The following TAS2R1 variants were observed in gnomAD, a reference collection of about 807,000 sequenced individuals.
The protein encoded by TAS2R1 is taste receptor type 2 member 1.
For synonymous variants in TAS2R1, 141 were observed against 134.2 expected, an observed-to-expected ratio of 1.05 and a Z score of -0.35; for missense variants, 370 against 353.4, an observed-to-expected ratio of 1.05 and a Z score of -0.38.
intron 1 of TAS2R1, among the ~76,000 whole-genome samples, chr5:9,677,143 A>T (rs747461723): frequency 6.6e-6 from 1 of 152,198 alleles, no homozygotes; most frequent in Non-Finnish European, 1.5e-5. Context: ...TCGTTAGCAA[A>T]CTAACTCAGG....
At chr5:9,856,781 T>A in the TAS2R1 span, among the ~76,000 whole-genome samples, 1 of 152,112 alleles carries the variant, frequency 6.6e-6, no homozygotes, top group Non-Finnish European at 1.5e-5. Context: ...AACAGTAGAA[T>A]AACTGAATCA....
At chr5:9,851,782 T>C in the TAS2R1 span, among the ~76,000 whole-genome samples, 12 of 152,292 alleles carry the variant, frequency 7.9e-5, no homozygotes, top group African/African-American at 1.9e-4. Context: ...TAAATACCCA[T>C]ACAGGGCTGT....
chr5:9,630,841 T>C (rs1357938977), upstream of TAS2R1, among the ~76,000 whole-genome samples: 4 of 152,202 alleles, frequency 2.6e-5, no homozygotes, highest in African/African-American at 9.6e-5. Context: ...AAAGTAAAGA[T>C]AAAATAATAC....
the TAS2R1 span, among the ~76,000 whole-genome samples, chr5:9,731,404 C>T: frequency 2.0e-5 from 3 of 152,138 alleles, no homozygotes; most frequent in Admixed American, 1.3e-4. Context: ...CTGTTGCCCT[C>T]GTGGTAGGGA....
chr5:9,636,159 A>AT (rs560632402), intron 2 of TAS2R1, among the ~76,000 whole-genome samples: 3 of 151,936 alleles, frequency 2.0e-5, no homozygotes, highest in Middle Eastern at 3.4e-3. Context: ...AGCTCAAATA[A>AT]TTTTTTTTAA....
the TAS2R1 span, among the ~76,000 whole-genome samples, chr5:9,832,398 A>G: frequency 6.6e-6 from 1 of 152,214 alleles, no homozygotes; most frequent in African/African-American, 2.4e-5. Context: ...GTGTGCATTC[A>G]TGTTTCAAGG....
At chr5:9,631,334 G>A (rs919233860), upstream of TAS2R1, among the ~76,000 whole-genome samples, 2 of 152,136 alleles carry the variant, frequency 1.3e-5, no homozygotes, top group Non-Finnish European at 2.9e-5. Flanking sequence ...CAAATTCCTG[G>A]ACTCAGGTAA....
intron 1 of TAS2R1, among the ~76,000 whole-genome samples, chr5:9,660,231 T>A (rs79412636): frequency 5.1e-5 from 7 of 137,112 alleles, no homozygotes; most frequent in African/African-American, 1.4e-4. Context: ...GCTAATTTTT[T>A]TTTTTTTTTT....
At chr5:9,891,547 G>C in the TAS2R1 span, among the ~76,000 whole-genome samples, 2 of 152,056 alleles carry the variant, frequency 1.3e-5, no homozygotes, top group Non-Finnish European at 2.9e-5. Context: ...GGTGGCTGGG[G>C]GAGGGCTCAG....
the TAS2R1 span, among the ~76,000 whole-genome samples, chr5:9,757,969 A>C: frequency 6.6e-6 from 1 of 152,152 alleles, no homozygotes; most frequent in Non-Finnish European, 1.5e-5. Context: ...AATATCAATA[A>C]TTTTGAAACC....
At chr5:9,874,071 A>C in the TAS2R1 span, among the ~76,000 whole-genome samples, 1 of 152,126 alleles carries the variant, frequency 6.6e-6, no homozygotes, top group Admixed American at 6.5e-5. Flanking sequence ...AGTGAGTTGG[A>C]GTTTATTTTA....
chr5:9,764,733 CAA>C, the TAS2R1 span, among the ~76,000 whole-genome samples: 3 of 152,154 alleles, frequency 2.0e-5, no homozygotes, highest in Admixed American at 2.0e-4. Flanking sequence ...ATATATCAAA[CAA>C]GAGAACATGG....
chr5:9,688,041 T>C (rs1187790677), intron 1 of TAS2R1, among the ~76,000 whole-genome samples: 3 of 152,222 alleles, frequency 2.0e-5, no homozygotes, highest in Non-Finnish European at 2.9e-5. Context: ...TCCTTGGACT[T>C]TACAGGTATT....
At chr5:9,719,918 C>CAAAA in the TAS2R1 span, among the ~76,000 whole-genome samples, 23 of 64,258 alleles carry the variant, frequency 3.6e-4, no homozygotes, top group African/African-American at 1.4e-3. Context: ...GATTCCGATT[C>CAAAA]AAAAAAAAAA....
At chr5:9,740,780 C>T in the TAS2R1 span, among the ~76,000 whole-genome samples, 15 of 152,212 alleles carry the variant, frequency 9.9e-5, no homozygotes, top group Non-Finnish European at 1.8e-4. Flanking sequence ...TCTCCTGTGG[C>T]TGGCTTTGCA....
the TAS2R1 span, among the ~76,000 whole-genome samples, chr5:9,794,939 AC>A: frequency 4.6e-5 from 7 of 152,186 alleles, no homozygotes; most frequent in Non-Finnish European, 1.0e-4. Flanking sequence ...TTTATCTTTC[AC>A]TTTTGCAAAG....
At chr5:9,658,103 C>A (rs533818673) in intron 2 of TAS2R1, among the ~76,000 whole-genome samples, 3 of 152,130 alleles carry the variant, frequency 2.0e-5, no homozygotes, top group Non-Finnish European at 2.9e-5. Context: ...AAGACAGATA[C>A]TTCTATATTC....
the TAS2R1 span, among the ~76,000 whole-genome samples, chr5:9,868,540 G>C: frequency 1.3e-3 from 194 of 152,310 alleles, 1 homozygote; most frequent in African/African-American, 4.5e-3. Context: ...GCCTGGCCCA[G>C]GAAGCCATTT....
At chr5:9,867,178 G>A in the TAS2R1 span, 3 of 152,240 alleles carry the variant, frequency 2.0e-5, no homozygotes, top group South Asian at 2.1e-4. Flanking sequence ...ACCATTCACC[G>A]AGCCAAAAGT....
Sources: allele counts gnomAD v4.1 joint callset (sites outside exome capture counted in the v4.1 genomes callset), GRCh38; gene constraint gnomAD v4.1.1; transcripts MANE v1.5; gene names NCBI Gene and HGNC (gene_info 2026-07-23, HGNC 2026-07-21).